The following GAS7 variants were observed in gnomAD, a reference collection of about 807,000 sequenced individuals.
The protein encoded by GAS7 is growth arrest-specific protein 7.
A neutral mutation model predicts 71.1 loss-of-function variants in GAS7; 28 were observed. The observed-to-expected ratio is 0.39, with a 90% CI of 0.29 to 0.54. The LOEUF is 0.54. GAS7 is among the 20% of genes least tolerant of loss of function. GAS7 has a pLI of 0.62. For missense variants in GAS7, 436 were observed against 627.8 expected, an observed-to-expected ratio of 0.69 and a Z score of 3.27; for synonymous variants, 258 against 245.8, an observed-to-expected ratio of 1.05 and a Z score of -0.46.
At chr17:10,045,587 CTCAGCAGGCTGAGACAGG>C (rs1373667592) in intron 1 of GAS7, among the ~76,000 whole-genome samples, 3 of 151,956 alleles carry the variant, frequency 2.0e-5, no homozygotes. Context: ...ATCCCAGCTA[CTCAGCAGGCTGAGACAGG>C]AGAATTGCTT....
At chr17:9,948,285 T>G (rs1353659028) in intron 5 of GAS7, among the ~76,000 whole-genome samples, 1 of 152,224 alleles carries the variant, frequency 6.6e-6, no homozygotes, top group African/African-American at 2.4e-5. Context: ...GATAACATTG[T>G]TTGCTTCCAA....
In GAS7 at chr17:10,034,322, T is replaced by G. The variant is rs1054496570; in HGVS notation, c.184-14425A>C. On this transcript the variant is annotated intron_variant, in intron 1 of 13. Coordinates refer to ENST00000432992, the MANE Select transcript of GAS7 (RefSeq NM_201433.2). This position sits in a 1 kb window ranked among gnomAD's most constrained non-coding sequence, Gnocchi z 4.4. ...GCCTAATACTTAATAATTCTTTTTTTTTTTTTTAGACAGTCTTGCTGTGTC... is the reference window on the plus strand; with the variant it reads ...GCCTAATACTTAATAATTCTTTTTTGTTTTTTTAGACAGTCTTGCTGTGTC... 1 of 685,888 alleles carries G rather than the reference T, an allele frequency of 1.5e-6. No individual in the cohort carries two copies. Among genetic ancestry groups the G allele is most frequent in the Non-Finnish European group, 1.8e-6 (1 of 556,732 alleles). 42.5% of individuals were successfully genotyped at this position (685,888 alleles called of 1,614,324 possible). A position where few individuals can be genotyped will look rare whatever the true frequency, so the allele number is the denominator to read the frequency against.
chr17:10,075,801 A>T (rs9907829), intron 1 of GAS7, among the ~76,000 whole-genome samples: 3,138 of 130,684 alleles, frequency 0.024, 108 homozygotes, highest in African/African-American at 0.086. Flanking sequence ...TCTCAGTTTT[A>T]AAAAAAAAAA....
At chr17:10,129,244 A>C (rs1191559921) in intron 1 of GAS7, among the ~76,000 whole-genome samples, 2 of 152,192 alleles carry the variant, frequency 1.3e-5, no homozygotes, top group East Asian at 3.9e-4. Flanking sequence ...TAAAACTAGA[A>C]CACTCTTGGC....
At chr17:9,978,107 G>A (rs765285529) in intron 3 of GAS7, among the ~76,000 whole-genome samples, 16 of 152,140 alleles carry the variant, frequency 1.1e-4, no homozygotes, top group African/African-American at 3.4e-4. Context: ...CCAATTAATC[G>A]GGAGGCTGAG....
At chr17:9,929,034 C>T (rs2068113261) in intron 9 of GAS7, among the ~76,000 whole-genome samples, 1 of 152,176 alleles carries the variant, frequency 6.6e-6, no homozygotes, top group Non-Finnish European at 1.5e-5. Context: ...TATAGGAAAA[C>T]ATCCCCACCT....
chr17:10,049,749 T>C (rs1433162639), intron 1 of GAS7, among the ~76,000 whole-genome samples: 3 of 150,472 alleles, frequency 2.0e-5, no homozygotes, highest in Non-Finnish European at 4.4e-5. Context: ...GCCTCCCGAG[T>C]AGCTGGGACT....
intron 1 of GAS7, among the ~76,000 whole-genome samples, chr17:10,192,011 A>G (rs777745423): frequency 3.9e-5 from 6 of 152,196 alleles, no homozygotes; most frequent in Non-Finnish European, 8.8e-5. Flanking sequence ...AAGTTAAACT[A>G]AAAACAAATT....
intron 1 of GAS7, among the ~76,000 whole-genome samples, chr17:10,033,335 G>A (rs932888560): frequency 6.6e-6 from 1 of 152,136 alleles, no homozygotes; most frequent in Non-Finnish European, 1.5e-5. Context: ...GGCCCAGAGA[G>A]AGAGAGAGAC....
At chr17:10,143,305 C>T (rs897649604) in intron 1 of GAS7, among the ~76,000 whole-genome samples, 5 of 151,996 alleles carry the variant, frequency 3.3e-5, no homozygotes, top group African/African-American at 1.2e-4. Context: ...CTTTGGGAGG[C>T]AGAGGTGGGT....
chr17:9,930,955 G>A (rs1278591381), intron 9 of GAS7, among the ~76,000 whole-genome samples: 1 of 152,200 alleles, frequency 6.6e-6, no homozygotes, highest in African/African-American at 2.4e-5. Flanking sequence ...ACTGAATGGT[G>A]AGGTCCACCC....
In GAS7 at chr17:10,070,930, T is replaced by C. The variant is rs139980331; in HGVS notation, c.184-51033A>G. Reference sequence around the variant, plus strand: ...GCAAAAGTAATTGCGTTTTTTGCCATTAAAAATGGACAAAATAGCAATTAC... The same window carrying C: ...GCAAAAGTAATTGCGTTTTTTGCCACTAAAAATGGACAAAATAGCAATTAC... On this transcript the variant is annotated intron_variant, in intron 1 of 13. Transcript: ENST00000432992. Among the ~76,000 whole-genome samples the C allele has an allele frequency of 1.8e-4, 27 of 151,284 alleles. No individual in the cohort carries two copies. The East Asian group carries it at 5.4e-3, about 30-fold the overall frequency.
intron 5 of GAS7, among the ~76,000 whole-genome samples, chr17:9,957,256 A>G (rs2069280224): frequency 6.6e-6 from 1 of 152,238 alleles, no homozygotes; most frequent in Non-Finnish European, 1.5e-5. Context: ...CTGCATTTTA[A>G]AAAAGGTCTT....
Position 10,048,769 on chromosome 17 carries a change from G to A in GAS7, c.184-28872C>T, listed in dbSNP as rs545943947. Among the ~76,000 whole-genome samples the A allele has an allele frequency of 7.9e-5, 12 of 152,272 alleles. No individual in the cohort carries two copies. The East Asian group carries it at 1.9e-3, about 24-fold the overall frequency. On this transcript the variant is annotated intron_variant, in intron 1 of 13. Coordinates refer to ENST00000432992, the MANE Select transcript of GAS7 (RefSeq NM_201433.2). ...GAAGACACCATCTCCTTACCCTCCAGGCACTGAGAGAGAAAATTAGGAAGA... is the reference window on the plus strand; with the variant it reads ...GAAGACACCATCTCCTTACCCTCCAAGCACTGAGAGAGAAAATTAGGAAGA...
intron 2 of GAS7, among the ~76,000 whole-genome samples, chr17:10,011,938 G>A (rs1169816988): frequency 6.8e-6 from 1 of 146,496 alleles, no homozygotes; most frequent in Non-Finnish European, 1.5e-5. Context: ...TTGCACCATT[G>A]CACTCCAGCT....
intron 1 of GAS7, among the ~76,000 whole-genome samples, chr17:10,063,888 T>C (rs1010306868): frequency 2.0e-5 from 3 of 152,086 alleles, no homozygotes; most frequent in Admixed American, 1.3e-4. Flanking sequence ...GCATCTTTTT[T>C]TCATCCAGCC....
intron 1 of GAS7, among the ~76,000 whole-genome samples, chr17:10,088,950 G>C (rs933159890): frequency 2.0e-5 from 3 of 152,034 alleles, no homozygotes; most frequent in Non-Finnish European, 4.4e-5. Context: ...CTGAGGTCAG[G>C]AGTTCGAGAC....
At chr17:9,980,456 T>C (rs1597602535) in intron 3 of GAS7, among the ~76,000 whole-genome samples, 1 of 152,224 alleles carries the variant, frequency 6.6e-6, no homozygotes, top group African/African-American at 2.4e-5. Context: ...GATTACTTTT[T>C]CTTCTGAAAA....
chr17:10,098,950 C>T (rs985400303), intron 1 of GAS7, among the ~76,000 whole-genome samples: 1 of 151,978 alleles, frequency 6.6e-6, no homozygotes, highest in Admixed American at 6.6e-5. Context: ...AGCGAGACTC[C>T]ATCTCAAAAA....
Sources: gnomAD v4.1 joint callset for allele counts (sites outside exome capture counted in the v4.1 genomes callset) on GRCh38, gnomAD v4.1.1 for gene constraint, Gnocchi (gnomAD v3.1) non-coding constraint, MANE v1.5 for transcripts, NCBI Gene and HGNC (gene_info 2026-07-23, HGNC 2026-07-21) for gene names.